Variants in RETREG1 observed in about 807,000 individuals in gnomAD.
The protein encoded by RETREG1 is family with sequence similarity 134 member B.
RETREG1 carries 44 observed loss-of-function variants against 54.8 expected under a neutral mutation model. The observed-to-expected ratio is 0.80, with a 90% CI of 0.63 to 1.03. RETREG1 has a LOEUF of 1.03. RETREG1 is among the 50% of genes least tolerant of loss of function. RETREG1 has a pLI of 0.00. For missense variants in RETREG1, 554 were observed against 605.1 expected (o/e 0.92, Z 0.89); for synonymous variants, 217 against 238.5 (o/e 0.91, Z 0.83).
chr5:16,540,880 C>T (rs564217618), intron 3 of RETREG1, among the ~76,000 whole-genome samples: 6 of 152,036 alleles, frequency 3.9e-5, no homozygotes, highest in African/African-American at 1.2e-4. Flanking sequence ...CCATGGGGAC[C>T]GGGGAGTAGA....
chr5:16,606,454 A>T (rs116591134), intron 1 of RETREG1, among the ~76,000 whole-genome samples: 1 of 152,078 alleles, frequency 6.6e-6, no homozygotes, highest in African/African-American at 2.4e-5. Context: ...CTCAACCTGC[A>T]CTCTGAGAGT....
intron 1 of RETREG1, among the ~76,000 whole-genome samples, chr5:16,611,191 G>A (rs529919677): frequency 6.6e-6 from 1 of 152,264 alleles, no homozygotes; most frequent in South Asian, 2.1e-4. Flanking sequence ...ACTTATAGGT[G>A]GAAACTGAAC....
chr5:16,543,675 CA>C (rs758476063), intron 3 of RETREG1, among the ~76,000 whole-genome samples: 344 of 70,388 alleles, frequency 4.9e-3, no homozygotes, highest in African/African-American at 0.014. Flanking sequence ...GACAACATCT[CA>C]AAAAAAAAAA....
chr5:16,474,949 A>G lies in RETREG1; in HGVS notation c.1286T>C (p.Leu429Ser). 6.2e-7 allele frequency: 1 copy of G among 1,613,818 alleles called. No homozygotes were observed. The highest frequency in any genetic ancestry group is 1.1e-5 in the South Asian group (1 of 91,076). Reference sequence around the variant, plus strand: ...AGAAAGTGCTTGCTGCACACCCTCTAACTGGTCTTTGATAGCTGCAGTCAC... The same window carrying G: ...AGAAAGTGCTTGCTGCACACCCTCTGACTGGTCTTTGATAGCTGCAGTCAC... ...AAVTAAIKDQ[L>S]EGVQQALSQA... is the part of the protein sequence containing the mutation. Residue 429 changes from leucine (L) to serine (S), a missense_variant, in exon 9 of 9, where the codon TTA (leucine) becomes TCA (serine). This residue lies in a region of RETREG1 where 347 missense variants were observed against 412.3 expected (regional missense o/e 0.84). Transcript: ENST00000306320.
intron 7 of RETREG1, 59 bp downstream of exon 7, chr5:16,477,975 C>T (rs1579579719): frequency 4.4e-6 from 6 of 1,378,722 alleles, no homozygotes; most frequent in East Asian, 2.3e-5. Flanking sequence ...GCTTTGTATG[C>T]ATACATGCAT....
chr5:16,534,909 C>T (rs1198583687), intron 3 of RETREG1, among the ~76,000 whole-genome samples: 1 of 152,130 alleles, frequency 6.6e-6, no homozygotes, highest in African/African-American at 2.4e-5. Flanking sequence ...TTTTACTGAG[C>T]ATTTATTAAG....
At chr5:16,589,467 C>G (rs1315291037) in intron 1 of RETREG1, among the ~76,000 whole-genome samples, 1 of 152,266 alleles carries the variant, frequency 6.6e-6, no homozygotes, top group Non-Finnish European at 1.5e-5. Context: ...CTCCACCTCC[C>G]GGGTTCAAGT....
chr5:16,603,717 C>T (rs1743108921), intron 1 of RETREG1, among the ~76,000 whole-genome samples: 1 of 150,076 alleles, frequency 6.7e-6, no homozygotes, highest in Non-Finnish European at 1.5e-5. Flanking sequence ...CATGTCGGTA[C>T]CCCAAACTCT....
At chr5:16,521,998 C>T (rs1295547900) in intron 3 of RETREG1, among the ~76,000 whole-genome samples, 1 of 152,140 alleles carries the variant, frequency 6.6e-6, no homozygotes, top group South Asian at 2.1e-4. Flanking sequence ...GACGGCCTTG[C>T]GGTCTTGGCT....
chr5:16,544,662 A>G (rs1043605145), intron 3 of RETREG1, among the ~76,000 whole-genome samples: 1 of 152,242 alleles, frequency 6.6e-6, no homozygotes, highest in East Asian at 1.9e-4. Context: ...TAGAACTATT[A>G]GTTGGAAAGG....
intron 1 of RETREG1, among the ~76,000 whole-genome samples, chr5:16,604,679 T>C (rs535489051): frequency 4.6e-5 from 7 of 152,254 alleles, no homozygotes; most frequent in Admixed American, 1.3e-4. Context: ...ATGCTCTTTC[T>C]CCCAGTCTAG....
chr5:16,532,084 T>C (rs1347938822), intron 3 of RETREG1, among the ~76,000 whole-genome samples: 1 of 152,214 alleles, frequency 6.6e-6, no homozygotes, highest in Admixed American at 6.5e-5. Flanking sequence ...ACTTTGAGAT[T>C]AAACAATAGT....
At chr5:16,541,074 A>T (rs1397825834) in intron 3 of RETREG1, among the ~76,000 whole-genome samples, 2 of 152,134 alleles carry the variant, frequency 1.3e-5, no homozygotes, top group African/African-American at 2.4e-5. Context: ...ACAACAAATA[A>T]TCACACTTTC....
At chr5:16,599,911 C>T (rs750887078) in intron 1 of RETREG1, among the ~76,000 whole-genome samples, 6 of 152,152 alleles carry the variant, frequency 3.9e-5, no homozygotes, top group East Asian at 1.9e-4. Flanking sequence ...GCAGAAAGAG[C>T]GCTGGGAATT....
At position 16,560,139 on chromosome 5, in the gene RETREG1, A is replaced by G. The variant is rs149985413; in HGVS notation, c.458+5624T>C. Among the ~76,000 whole-genome samples, 338 of 152,366 alleles carry G rather than the reference A, an allele frequency of 2.2e-3. 2 individuals carry two copies. Among genetic ancestry groups the G allele is most frequent in the African/African-American group, 8.0e-3 (332 of 41,592 alleles). ...CCATCAGAAATTAGACCCTGGGTTTACCATTACATTCAGTGTGACATTTGT... is the reference window on the plus strand; with the variant it reads ...CCATCAGAAATTAGACCCTGGGTTTGCCATTACATTCAGTGTGACATTTGT... On this transcript the variant is annotated intron_variant, in intron 3 of 8. Coordinates refer to ENST00000306320, the MANE Select transcript of RETREG1 (RefSeq NM_001034850.3).
intron 3 of RETREG1, among the ~76,000 whole-genome samples, chr5:16,531,963 T>A (rs1387998222): frequency 3.3e-5 from 5 of 152,178 alleles, no homozygotes; most frequent in African/African-American, 1.2e-4. Context: ...CATACAGGGC[T>A]GTGTCCACCC....
intron 3 of RETREG1, among the ~76,000 whole-genome samples, chr5:16,521,672 T>A (rs1213747454): frequency 6.6e-6 from 1 of 152,186 alleles, no homozygotes; most frequent in Non-Finnish European, 1.5e-5. Context: ...AAACCTTATC[T>A]CCTGAGTTGA....
intron 3 of RETREG1, among the ~76,000 whole-genome samples, chr5:16,496,347 C>G (rs1332653241): frequency 2.0e-5 from 3 of 152,212 alleles, no homozygotes; most frequent in African/African-American, 7.2e-5. Context: ...GACCCAGGCC[C>G]TTTCCATCTC....
chr5:16,516,015 G>A (rs16868721), intron 3 of RETREG1, among the ~76,000 whole-genome samples: 15,137 of 147,500 alleles, frequency 0.1, 855 homozygotes, highest in African/African-American at 0.11. Context: ...AAGGACAGAA[G>A]CATACACTAA....
Sources: allele counts gnomAD v4.1 joint callset (sites outside exome capture counted in the v4.1 genomes callset), GRCh38; gene constraint gnomAD v4.1.1; regional missense constraint gnomAD v4.1.1; transcripts MANE v1.5; gene names NCBI Gene and HGNC (gene_info 2026-07-23, HGNC 2026-07-21).